GRM8: variants seen among roughly 807,000 people sequenced by gnomAD.
The protein encoded by GRM8 is glutamate metabotropic receptor 8.
Under a neutral mutation model 87.2 loss-of-function variants are expected in GRM8, and 47 were observed. The ratio of observed to expected loss-of-function variants is 0.54; its 90% CI spans 0.43 to 0.69. The LOEUF (loss-of-function observed/expected upper bound fraction) is 0.69, where lower values mean the gene tolerates loss of function less well. Ranked by LOEUF, GRM8 falls within the 30% of genes least tolerant of loss-of-function variation. The pLI, the probability that GRM8 is intolerant of heterozygous loss-of-function variation, is 0.00. For synonymous variants in GRM8, 396 were observed against 404.5 expected, an observed-to-expected ratio of 0.98 and a Z score of 0.25; for missense variants, 1,019 against 1,139.2, an observed-to-expected ratio of 0.89 and a Z score of 1.52.
chr7:127,068,569 T>C (rs1282637160), intron 3 of GRM8, among the ~76,000 whole-genome samples: 1 of 152,160 alleles, frequency 6.6e-6, no homozygotes, highest in Non-Finnish European at 1.5e-5. Flanking sequence ...TGGAGAAGGA[T>C]TTCTTCCTAG....
At chr7:126,807,166 A>G (rs1245214224) in intron 6 of GRM8, among the ~76,000 whole-genome samples, 1 of 152,208 alleles carries the variant, frequency 6.6e-6, no homozygotes, top group South Asian at 2.1e-4. Context: ...GGCAGGTCTC[A>G]TGAGGTTAAG....
At chr7:126,491,969 C>T (rs1163312158) in intron 9 of GRM8, among the ~76,000 whole-genome samples, 4 of 151,998 alleles carry the variant, frequency 2.6e-5, no homozygotes, top group Non-Finnish European at 5.9e-5. Context: ...AATAAAAAAG[C>T]CATCCCTTCT....
chr7:126,602,770 G>A (rs1032987425), intron 8 of GRM8, among the ~76,000 whole-genome samples: 9 of 151,506 alleles, frequency 5.9e-5, no homozygotes, highest in South Asian at 2.1e-4. Flanking sequence ...AAGAGTCCAG[G>A]ACCAGATGGA....
rs560730776 is a variant in GRM8, at chr7:126,447,675, T to G, written c.2431-1303A>C. ...GTAAATAACTGAATCAGCATTAGTG[T>G]TGCCTTTTCCTAGAGGAGAAGGTTT... On this transcript the variant is annotated intron_variant, in intron 9 of 10. Transcript: ENST00000339582. Among the ~76,000 whole-genome samples, 185 of 152,064 alleles carry G rather than the reference T, an allele frequency of 1.2e-3. 1 individual carries two copies. The Middle Eastern group carries it at 0.02, about 17-fold the overall frequency.
intron 3 of GRM8, among the ~76,000 whole-genome samples, chr7:126,996,274 T>C (rs927910627): frequency 1.3e-5 from 2 of 151,946 alleles, no homozygotes; most frequent in African/African-American, 2.4e-5. Context: ...AAAAATCAGA[T>C]AGTAGAAAGC....
intron 6 of GRM8, among the ~76,000 whole-genome samples, chr7:126,806,844 G>A (rs1230365995): frequency 1.3e-5 from 2 of 152,180 alleles, no homozygotes; most frequent in African/African-American, 4.8e-5. Context: ...CCGCGCCGGT[G>A]GCCACCCGTA....
chr7:127,204,883 C>T (rs17865576), intron 2 of GRM8, among the ~76,000 whole-genome samples: 5 of 152,246 alleles, frequency 3.3e-5, no homozygotes, highest in East Asian at 1.9e-4. Flanking sequence ...ATCAGTAAGT[C>T]GTTACTCTTC....
intron 9 of GRM8, among the ~76,000 whole-genome samples, chr7:126,449,207 G>C (rs1448969634): frequency 2.0e-5 from 3 of 151,740 alleles, no homozygotes; most frequent in East Asian, 1.9e-4. Flanking sequence ...AGAAACTCTA[G>C]AGTTATTTTC....
chr7:126,983,999 AGAAAATAT>A (rs1811796433), intron 3 of GRM8, among the ~76,000 whole-genome samples: 2 of 152,036 alleles, frequency 1.3e-5, no homozygotes, highest in South Asian at 2.1e-4. Context: ...TCAGGTATAC[AGAAAATAT>A]CTTCATTTGT....
intron 6 of GRM8, among the ~76,000 whole-genome samples, chr7:126,823,705 C>G (rs1403829969): frequency 1.3e-5 from 2 of 152,126 alleles, no homozygotes; most frequent in African/African-American, 4.8e-5. Flanking sequence ...TTCTACGTTT[C>G]TGCAATCAAT....
At chr7:126,944,913 A>G (rs1479672856) in intron 3 of GRM8, among the ~76,000 whole-genome samples, 1 of 152,246 alleles carries the variant, frequency 6.6e-6, no homozygotes, top group Non-Finnish European at 1.5e-5. Flanking sequence ...GAAATGTAAA[A>G]TGACTAACAA....
chr7:126,576,535 G>A (rs1054396829), intron 8 of GRM8, among the ~76,000 whole-genome samples: 11 of 151,950 alleles, frequency 7.2e-5, no homozygotes, highest in African/African-American at 2.4e-4. Flanking sequence ...CATCCATCTC[G>A]GCCTCCCAAA....
At chr7:127,205,961 A>T (rs151283711) in intron 2 of GRM8, among the ~76,000 whole-genome samples, 223 of 152,300 alleles carry the variant, frequency 1.5e-3, no homozygotes, top group Non-Finnish European at 2.6e-3. Flanking sequence ...CCCCATAGGG[A>T]TGACTAACCT....
intron 6 of GRM8, among the ~76,000 whole-genome samples, chr7:126,864,640 A>C (rs1009668709): frequency 6.6e-6 from 1 of 152,096 alleles, no homozygotes; most frequent in South Asian, 2.1e-4. Context: ...TATACCTTTT[A>C]AGATATCAAA....
At chr7:126,681,577 C>T (rs1807588467) in intron 7 of GRM8, among the ~76,000 whole-genome samples, 1 of 152,252 alleles carries the variant, frequency 6.6e-6, no homozygotes, top group South Asian at 2.1e-4. Flanking sequence ...TGAAACTCAA[C>T]AACTTGGAGA....
intron 9 of GRM8, among the ~76,000 whole-genome samples, chr7:126,522,213 T>C (rs1324543666): frequency 6.6e-6 from 1 of 152,176 alleles, no homozygotes; most frequent in Non-Finnish European, 1.5e-5. Context: ...CTGTTCCCAA[T>C]TCAACTTGAA....
intron 7 of GRM8, among the ~76,000 whole-genome samples, chr7:126,760,908 T>G (rs915262597): frequency 2.0e-5 from 3 of 152,058 alleles, no homozygotes; most frequent in Admixed American, 6.6e-5. Flanking sequence ...CTTATAAAAG[T>G]AGATGAGGGC....
chr7:127,246,938 G>A (rs947005521), intron 1 of GRM8, among the ~76,000 whole-genome samples: 3 of 152,236 alleles, frequency 2.0e-5, no homozygotes, highest in African/African-American at 7.2e-5. Flanking sequence ...AAGTGGCAGT[G>A]CCACCAAAGT....
chr7:127,249,981 A>G (rs1225302119), intron 1 of GRM8, among the ~76,000 whole-genome samples: 1 of 151,764 alleles, frequency 6.6e-6, no homozygotes, highest in East Asian at 1.9e-4. Flanking sequence ...GAGCAACTCC[A>G]CTCCCCCCAA....
Sources: allele counts gnomAD v4.1 joint callset (sites outside exome capture counted in the v4.1 genomes callset), GRCh38; gene constraint gnomAD v4.1.1; transcripts MANE v1.5; gene names NCBI Gene and HGNC (gene_info 2026-07-23, HGNC 2026-07-21).